Variants in DEGS1 observed in about 807,000 individuals in gnomAD.
The protein encoded by DEGS1 is delta 4-desaturase, sphingolipid 1, also known as sphingolipid delta(4)-desaturase DES1.
A neutral mutation model predicts 24.1 loss-of-function variants in DEGS1; 17 were observed. The observed-to-expected ratio is 0.70, with a 90% CI of 0.48 to 1.06. DEGS1 has a LOEUF of 1.06. Among genes scored for constraint, DEGS1 ranks in the 50% least tolerant of loss-of-function variants. DEGS1 has a pLI of 0.00. For synonymous variants in DEGS1, 134 were observed against 140.0 expected (o/e 0.96, Z 0.30); for missense variants, 366 against 408.9 (o/e 0.90, Z 0.91).
chr1:224,185,137 G>T (rs1178611364), intron 1 of DEGS1, among the ~76,000 whole-genome samples: 1 of 152,018 alleles, frequency 6.6e-6, no homozygotes, highest in African/African-American at 2.4e-5. Flanking sequence ...GACCACAAGC[G>T]CACACCACCA....
Sources: allele counts gnomAD v4.1 joint callset (sites outside exome capture counted in the v4.1 genomes callset), GRCh38; gene constraint gnomAD v4.1.1; transcripts MANE v1.5; gene names NCBI Gene and HGNC (gene_info 2026-07-23, HGNC 2026-07-21).